The following GFAP variants were observed in gnomAD, a reference collection of about 807,000 sequenced individuals.
GFAP encodes glial fibrillary acidic protein, also known as intermediate filament protein.
Under a neutral mutation model 49.3 loss-of-function variants are expected in GFAP, and 38 were observed. The ratio of observed to expected loss-of-function variants is 0.77; its 90% CI spans 0.60 to 1.01. The LOEUF is 1.01. GFAP is among the 50% of genes least tolerant of loss of function. The pLI is 0.00. For missense variants in GFAP, 463 were observed against 579.1 expected (o/e 0.80, Z 2.06); for synonymous variants, 222 against 236.4 (o/e 0.94, Z 0.56).
intron 4 of GFAP, 95 bp from the exon 5 acceptor site, chr17:44,911,892 A>C (rs1437247487): frequency 2.1e-6 from 3 of 1,430,718 alleles, no homozygotes; most frequent in East Asian, 4.6e-5. Context: ...AGTTAACCCC[A>C]GGACGTTGGC....
In GFAP at chr17:44,906,765, G is replaced by A. The variant is rs1209389475; in HGVS notation, c.*582C>T. Reference sequence around the variant, plus strand: ...CCAGCTACACAGGAGGCTGAGGTGGGTAGACTGCTTGAGCCCAGGAGTTCA... The same window carrying A: ...CCAGCTACACAGGAGGCTGAGGTGGATAGACTGCTTGAGCCCAGGAGTTCA... On this transcript the variant is annotated 3_prime_UTR_variant, in exon 9 of 9. Coordinates refer to ENST00000588735, the MANE Select transcript of GFAP (RefSeq NM_002055.5). The A allele has an allele frequency of 1.1e-5, 2 of 182,638 alleles. No homozygotes were observed. Among genetic ancestry groups the A allele is most frequent in the Non-Finnish European group, 2.3e-5 (2 of 85,870 alleles). The allele number at this position is 182,638 out of a possible 1,614,324, so 11.3% of individuals were successfully genotyped here.
In GFAP at chr17:44,915,318, C is replaced by T; in HGVS notation, c.169G>A (p.Ala57Thr). The change falls in exon 1 of 9, where the codon GCA becomes ACA. Residue 57 changes from alanine to threonine, a missense_variant. Coordinates refer to ENST00000588735, the MANE Select transcript of GFAP (RefSeq NM_002055.5). The surrounding 1 kb of genome is among the most constrained non-coding windows in gnomAD (Gnocchi z 4.1). ...PTRVDFSLAGALNAGFKETRA... is the reference protein window; with the variant it reads ...PTRVDFSLAGTLNAGFKETRA... ...GTCTCCTTGAAGCCAGCATTGAGTG[C>T]CCCAGCCAGGGAGAAATCCACCCGG... is the stretch of plus-strand genomic sequence containing the variant. 3.1e-6 allele frequency: 5 copies of T among 1,613,526 alleles called. No homozygotes were observed. Among genetic ancestry groups the T allele is most frequent in the Non-Finnish European group, 4.2e-6 (5 of 1,179,608 alleles).
chr17:44,910,398 G>A, intron 7 of GFAP: 1 of 1,603,878 alleles, frequency 6.2e-7, no homozygotes, highest in Admixed American at 1.7e-5. Flanking sequence ...AGGGGAAGAG[G>A]GACCAGGGCC....
rs572154436 is a variant in GFAP at position 44,905,281 on chromosome 17, T to C, written c.*2066A>G. 1.5e-5 allele frequency: 9 copies of C among 582,860 alleles called. No individual in the cohort carries two copies. In the Admixed American group the frequency reaches 3.0e-4, roughly 19 times the overall value. 36.1% of individuals were successfully genotyped at this position (582,860 alleles called of 1,614,324 possible). On this transcript the variant is annotated 3_prime_UTR_variant, in exon 9 of 9. Coordinates refer to ENST00000588735, the MANE Select transcript of GFAP (RefSeq NM_002055.5). ...GCTGGTGGGAGATTGGGGACTGAGC[T>C]CAGGATGGAAGTAGGGCACATGTGT...
chr17:44,911,166 G>T, intron 6 of GFAP, 70 bp downstream of exon 6: 1 of 1,391,956 alleles, frequency 7.2e-7, no homozygotes, highest in Non-Finnish European at 1.0e-6. Flanking sequence ...CTCAGTCCCT[G>T]AAGGGAGCAA....
chr17:44,904,009 G>A lies in GFAP; in HGVS notation c.*3338C>T, dbSNP rs1229710679. 1 of 1,550,652 alleles carries A rather than the reference G, an allele frequency of 6.4e-7. No homozygotes were observed. Among genetic ancestry groups the A allele is most frequent in the East Asian group, 2.4e-5 (1 of 40,924 alleles). The stretch of plus-strand genomic sequence containing the variant: ...CCTGTCACTGCAAACCCGAAGAGGT[G>A]CCAGCTGTAGTCTGGTTCTACCAAA... On this transcript the variant is annotated 3_prime_UTR_variant, in exon 9 of 9. Coordinates refer to ENST00000588735, the MANE Select transcript of GFAP (RefSeq NM_002055.5).
intron 1 of GFAP, 176 bp from the exon 2 acceptor site, chr17:44,914,264 G>A (rs1419831692): frequency 3.3e-6 from 2 of 604,802 alleles, no homozygotes; most frequent in Non-Finnish European, 5.9e-6. Context: ...AGGATGAGCA[G>A]ATGTGGGCTT....
At position 44,904,979 on chromosome 17, in the gene GFAP, G is replaced by A; in HGVS notation, c.*2368C>T. On this transcript the variant is annotated 3_prime_UTR_variant, in exon 9 of 9. Coordinates refer to ENST00000588735, the MANE Select transcript of GFAP (RefSeq NM_002055.5). ...CTCGGCTGTGGAGCTCACCCTGATA[G>A]GCTACCTGCTCATCACAGCAGTCTT... 2 of 1,550,754 alleles carry A rather than the reference G, an allele frequency of 1.3e-6. No individual in the cohort carries two copies. Among genetic ancestry groups the A allele is most frequent in the South Asian group, 2.4e-5 (2 of 84,058 alleles).
rs1320758532 is a variant in GFAP at position 44,903,903 on chromosome 17, A to G, written c.*3444T>C. On this transcript the variant is annotated 3_prime_UTR_variant, in exon 9 of 9. Transcript: ENST00000588735. ...GCCTTTGAAATTGTGGAGAAGGAAA[A>G]CATTTTTCAGAGGACCCCCTGCCCT... 2.1e-5 allele frequency: 32 copies of G among 1,550,384 alleles called. No individual in the cohort carries two copies. In the Admixed American group the frequency reaches 6.3e-4, roughly 30 times the overall value.
chr17:44,904,553 C>G lies in GFAP; in HGVS notation c.*2794G>C, dbSNP rs922255682. 1.3e-6 allele frequency: 2 copies of G among 1,550,470 alleles called. No individual in the cohort carries two copies. The highest frequency in any genetic ancestry group is 2.7e-5 in the African/African-American group (2 of 73,036). On this transcript the variant is annotated 3_prime_UTR_variant, in exon 9 of 9. Transcript: ENST00000588735. Reference sequence around the variant, plus strand: ...GGTGCTGGTTCGGAGCTGCTTAGTACCCTGTGAGAAGACAAAGACCATCCG... The same window carrying G: ...GGTGCTGGTTCGGAGCTGCTTAGTAGCCTGTGAGAAGACAAAGACCATCCG...
chr17:44,907,088 A>G lies in GFAP; in HGVS notation c.*259T>C, dbSNP rs1243255938. 5.2e-6 allele frequency: 3 copies of G among 573,054 alleles called. No homozygotes were observed. Among genetic ancestry groups the G allele is most frequent in the East Asian group, 5.9e-5 (2 of 34,110 alleles). 35.5% of individuals were successfully genotyped at this position (573,054 alleles called of 1,614,324 possible). ...CTCATTCTAACGCAAGCTGCTGGCCATGCCCCTCCAGACTGCCCCTTGGGG... is the reference window on the plus strand; with the variant it reads ...CTCATTCTAACGCAAGCTGCTGGCCGTGCCCCTCCAGACTGCCCCTTGGGG... On this transcript the variant is annotated 3_prime_UTR_variant, in exon 9 of 9. Transcript: ENST00000588735.
Position 44,910,655 on chromosome 17 carries a change from G to A in GFAP, c.1131C>T (p.Ile377=), listed in dbSNP as rs1216827776. 1.3e-6 allele frequency: 2 copies of A among 1,586,464 alleles called. No individual in the cohort carries two copies. The highest frequency in any genetic ancestry group is 2.3e-5 in the East Asian group (1 of 44,154). Residue 377 remains isoleucine (I), a synonymous_variant, in exon 7 of 9, where the codon ATC becomes ATT. Transcript: ENST00000588735. Reference sequence around the variant, plus strand: ...TGGAGAAGGTCTGCACGGGAATGGTGATCCTGAAAGAAAGCAGAGGGAGAG... The same window carrying A: ...TGGAGAAGGTCTGCACGGGAATGGTAATCCTGAAAGAAAGCAGAGGGAGAG... The part of the protein sequence containing the change: ...RKLLEGEENR[I]TIPVQTFSNL...
rs1369500216 is a variant in GFAP, at chr17:44,905,558, G to A, written c.*1789C>T. On this transcript the variant is annotated 3_prime_UTR_variant, in exon 9 of 9. Transcript: ENST00000588735. ...AGAGATGATCAGTAATAAGAAATGA[G>A]TTGGTCTTGTCAAAGGCTACATCTT... The A allele has an allele frequency of 6.2e-6, 1 of 161,848 alleles. No individual in the cohort carries two copies. The highest frequency in any genetic ancestry group is 6.0e-5 in the Admixed American group (1 of 16,724). 10.0% of individuals were successfully genotyped at this position (161,848 alleles called of 1,614,324 possible).
Position 44,903,579 on chromosome 17 carries a change from C to T in GFAP, c.*3768G>A, listed in dbSNP as rs891440896. The stretch of plus-strand genomic sequence containing the variant: ...AGTGTTCTAGAAAGGGGAGTAAAGG[C>T]CAGGTTCTAGAATGGCTTTCCCCCC... On this transcript the variant is annotated 3_prime_UTR_variant, in exon 9 of 9. Coordinates refer to ENST00000588735, the MANE Select transcript of GFAP (RefSeq NM_002055.5). 7.2e-7 allele frequency: 1 copy of T among 1,393,294 alleles called. No homozygotes were observed. The highest frequency in any genetic ancestry group is 9.3e-7 in the Non-Finnish European group (1 of 1,080,640). 86.3% of individuals were successfully genotyped at this position (1,393,294 alleles called of 1,614,324 possible).
intron 6 of GFAP, 31 bp from the exon 7 acceptor site, chr17:44,910,689 G>T (rs768874244): frequency 6.3e-7 from 1 of 1,574,954 alleles, no homozygotes; most frequent in Non-Finnish European, 8.6e-7. Flanking sequence ...AGGGCTGCCC[G>T]GGCTGCCTGG....
At position 44,913,400 on chromosome 17, in the gene GFAP, G is replaced by C. The variant is rs1435436960; in HGVS notation, c.649C>G (p.Arg217Gly). 1.9e-6 allele frequency: 3 copies of C among 1,614,012 alleles called. No homozygotes were observed. The highest frequency in any genetic ancestry group is 2.5e-6 in the Non-Finnish European group (3 of 1,180,020). Residue 217 changes from arginine to glycine, a missense_variant, in exon 4 of 9, where the codon CGA (arginine) becomes GGA (glycine). By Grantham distance (125) the Arg-to-Gly change is moderately radical (BLOSUM62 -2). Around this residue, in one of 3 missense-constraint regions of GFAP, gnomAD observed 362 missense variants for 445.5 expected, o/e 0.81. Coordinates refer to ENST00000588735, the MANE Select transcript of GFAP (RefSeq NM_002055.5). ...EVRELQEQLA[R>G]QQVHVELDVA... ...TCAAGCTCCACATGGACCTGCTGTCGGGCCAGCTGCTCCTGGAGTTCCCGA... is the reference window on the plus strand; with the variant it reads ...TCAAGCTCCACATGGACCTGCTGTCCGGCCAGCTGCTCCTGGAGTTCCCGA...
At position 44,906,821 on chromosome 17, in the gene GFAP, A is replaced by C. The variant is rs2051659332; in HGVS notation, c.*526T>G. 4.7e-6 allele frequency: 1 copy of C among 210,632 alleles called. No homozygotes were observed. The highest frequency in any genetic ancestry group is 5.2e-5 in the Admixed American group (1 of 19,216). The allele number at this position is 210,632 out of a possible 1,614,324, so 13.0% of individuals were successfully genotyped here. A position where few individuals can be genotyped will look rare whatever the true frequency, so the allele number is the denominator to read the frequency against. On this transcript the variant is annotated 3_prime_UTR_variant, in exon 9 of 9. Coordinates refer to ENST00000588735, the MANE Select transcript of GFAP (RefSeq NM_002055.5). ...AGCCTAGGCAGCATAGGGATATCCCACCTCATAAAAACCAAAAGACAAAAC... is the reference window on the plus strand; with the variant it reads ...AGCCTAGGCAGCATAGGGATATCCCCCCTCATAAAAACCAAAAGACAAAAC...
intron 5 of GFAP, 38 bp downstream of exon 5, chr17:44,911,634 T>C (rs781773624): frequency 4.4e-6 from 7 of 1,606,122 alleles, no homozygotes; most frequent in Admixed American, 1.7e-5. Context: ...TGGCCGTCCC[T>C]GCTCCGCCCG....
At chr17:44,910,508 C>T in intron 7 of GFAP, 107 bp downstream of exon 7, 1 of 1,552,974 alleles carries the variant, frequency 6.4e-7, no homozygotes, top group Non-Finnish European at 8.7e-7. Flanking sequence ...CCAGGGAGAG[C>T]TGGATCCCTT....
Sources: allele counts gnomAD v4.1 joint callset, GRCh38; gene constraint gnomAD v4.1.1; regional missense constraint gnomAD v4.1.1; non-coding constraint Gnocchi (gnomAD v3.1); transcripts MANE v1.5; gene names NCBI Gene and HGNC (gene_info 2026-07-23, HGNC 2026-07-21).